The following SPOCK3 variants were observed in gnomAD, a reference collection of about 807,000 sequenced individuals.
The protein encoded by SPOCK3 is testican-3.
Under a neutral mutation model 56.6 loss-of-function variants are expected in SPOCK3, and 30 were observed. That is an observed-to-expected ratio of 0.53 (90% CI 0.40 to 0.72). SPOCK3 has a LOEUF of 0.72. SPOCK3 is among the 30% of genes least tolerant of loss of function. The pLI is 0.00. For synonymous variants in SPOCK3, 196 were observed against 183.3 expected (o/e 1.07, Z -0.56); for missense variants, 527 against 530.0 (o/e 0.99, Z 0.06).
intron 3 of SPOCK3, among the ~76,000 whole-genome samples, chr4:167,062,253 C>A (rs554647185): frequency 2.0e-5 from 3 of 151,906 alleles, no homozygotes; most frequent in South Asian, 4.1e-4. Context: ...AAGCCCAAAT[C>A]AGTCATCTAA....
intron 6 of SPOCK3, among the ~76,000 whole-genome samples, chr4:166,857,172 T>G (rs539600527): frequency 3.2e-4 from 48 of 152,300 alleles, no homozygotes; most frequent in African/African-American, 1.1e-3. Flanking sequence ...TTTAAGAATT[T>G]TAAGTGGTAG....
chr4:167,056,814 T>C (rs1056638904), intron 3 of SPOCK3, among the ~76,000 whole-genome samples: 3 of 152,222 alleles, frequency 2.0e-5, no homozygotes, highest in African/African-American at 4.8e-5. Flanking sequence ...GCCTGATTGC[T>C]GTACCTAAAA....
chr4:166,807,266 T>C (rs1180693694), intron 6 of SPOCK3, among the ~76,000 whole-genome samples: 1 of 151,338 alleles, frequency 6.6e-6, no homozygotes, highest in Admixed American at 6.6e-5. Context: ...GTTCAAAGGG[T>C]TGTATGGCTA....
intron 10 of SPOCK3, among the ~76,000 whole-genome samples, chr4:166,736,090 T>G (rs2126343692): frequency 6.6e-6 from 1 of 152,224 alleles, no homozygotes; most frequent in African/African-American, 2.4e-5. Flanking sequence ...TAACAAATCC[T>G]ATTGATGTAA....
At chr4:166,982,465 TG>T (rs775466833) in intron 4 of SPOCK3, among the ~76,000 whole-genome samples, 79 of 152,140 alleles carry the variant, frequency 5.2e-4, no homozygotes, top group Non-Finnish European at 8.4e-4. Flanking sequence ...AGAGGGAGAA[TG>T]GCGTGAACTC....
chr4:167,214,350 T>C (rs1237224199), intron 2 of SPOCK3, among the ~76,000 whole-genome samples: 1 of 152,136 alleles, frequency 6.6e-6, no homozygotes, highest in Non-Finnish European at 1.5e-5. Context: ...TGTCTCTCAT[T>C]AGTATTTTAG....
rs946911446 is a variant in SPOCK3 at position 166,752,609 on chromosome 4, CACACAT to C, written c.931+1893_931+1898del. On this transcript the variant is annotated intron_variant, in intron 8 of 10. Transcript: ENST00000357545. ...ACACACACACACACACACACACACA[CACACAT>C]ATATTTATAGCTACAGTAAACAAGA... 1.1e-4 allele frequency among the ~76,000 whole-genome samples: 15 copies of C among 142,374 alleles called. No individual in the cohort carries two copies. In the East Asian group the frequency reaches 1.2e-3, roughly 12 times the overall value. The allele number at this position is 142,374 out of a possible 152,430, so 93.4% of individuals were successfully genotyped here.
chr4:167,013,599 T>C (rs1750310903), intron 3 of SPOCK3, among the ~76,000 whole-genome samples: 1 of 151,728 alleles, frequency 6.6e-6, no homozygotes, highest in Admixed American at 6.6e-5. Context: ...TTACATGATA[T>C]ATAATAAAGA....
intron 6 of SPOCK3, among the ~76,000 whole-genome samples, chr4:166,837,685 C>T (rs1746774666): frequency 6.6e-6 from 1 of 152,140 alleles, no homozygotes; most frequent in African/African-American, 2.4e-5. Flanking sequence ...ATGTTTGCTT[C>T]TATCCTCAAA....
chr4:167,059,833 T>G (rs1259381416), intron 3 of SPOCK3, among the ~76,000 whole-genome samples: 1 of 152,162 alleles, frequency 6.6e-6, no homozygotes, highest in Non-Finnish European at 1.5e-5. Flanking sequence ...TAAAAAATGA[T>G]GAGTTCATGT....
intron 3 of SPOCK3, among the ~76,000 whole-genome samples, chr4:167,008,850 A>G (rs1749725335): frequency 6.6e-6 from 1 of 152,054 alleles, no homozygotes; most frequent in Non-Finnish European, 1.5e-5. Context: ...GCAAGAAGGG[A>G]GGGAAGCAGG....
intron 3 of SPOCK3, among the ~76,000 whole-genome samples, chr4:167,049,471 T>C (rs1754004017): frequency 6.6e-6 from 1 of 152,150 alleles, no homozygotes. Flanking sequence ...AATGAGGATT[T>C]TGAAATACAA....
chr4:167,180,341 C>T (rs1464555844), intron 2 of SPOCK3, among the ~76,000 whole-genome samples: 1 of 152,092 alleles, frequency 6.6e-6, no homozygotes, highest in African/African-American at 2.4e-5. Context: ...GCAGCAGGAA[C>T]ACCTGAACAT....
intron 6 of SPOCK3, among the ~76,000 whole-genome samples, chr4:166,795,173 G>A (rs1445476920): frequency 6.6e-6 from 1 of 152,136 alleles, no homozygotes; most frequent in Admixed American, 6.5e-5. Flanking sequence ...CCATCAGCTA[G>A]TGAATTCATG....
intron 9 of SPOCK3, among the ~76,000 whole-genome samples, chr4:166,738,065 T>C (rs960785561): frequency 6.6e-6 from 1 of 152,226 alleles, no homozygotes; most frequent in Non-Finnish European, 1.5e-5. Flanking sequence ...CAAATCAAGC[T>C]ATGTGTTTTT....
chr4:166,860,781 G>A (rs868268086), intron 6 of SPOCK3, among the ~76,000 whole-genome samples: 20 of 39,118 alleles, frequency 5.1e-4, no homozygotes, highest in African/African-American at 2.0e-3. Context: ...GAAAACACAC[G>A]TGTACATGCA....
At chr4:167,186,260 A>C (rs1485380446) in intron 2 of SPOCK3, among the ~76,000 whole-genome samples, 1 of 152,242 alleles carries the variant, frequency 6.6e-6, no homozygotes, top group African/African-American at 2.4e-5. Context: ...AATCTAAAAA[A>C]ATTATTTTAC....
At chr4:167,224,031 T>C (rs1406349338) in intron 2 of SPOCK3, among the ~76,000 whole-genome samples, 3 of 152,114 alleles carry the variant, frequency 2.0e-5, no homozygotes, top group Non-Finnish European at 2.9e-5. Context: ...ACAGACTATT[T>C]GTGGATTTAA....
At chr4:167,020,187 G>C (rs1020318686) in intron 3 of SPOCK3, among the ~76,000 whole-genome samples, 8 of 152,190 alleles carry the variant, frequency 5.3e-5, no homozygotes, top group Non-Finnish European at 5.9e-5. Flanking sequence ...GGTCAGGTAG[G>C]AGGTAGTATG....
Sources: allele counts gnomAD v4.1 joint callset (sites outside exome capture counted in the v4.1 genomes callset), GRCh38; gene constraint gnomAD v4.1.1; transcripts MANE v1.5; gene names NCBI Gene and HGNC (gene_info 2026-07-23, HGNC 2026-07-21).